DNAJC1: variants seen among roughly 807,000 people sequenced by gnomAD.
DNAJC1 encodes the protein dnaJ homolog subfamily C member 1.
DNAJC1 carries 58 observed loss-of-function variants against 76.6 expected under a neutral mutation model. That is an observed-to-expected ratio of 0.76 (90% confidence interval 0.61 to 0.94). DNAJC1 has a LOEUF of 0.94. Among genes scored for constraint, DNAJC1 ranks in the 40% least tolerant of loss-of-function variants. The pLI is 0.00. For missense variants in DNAJC1, 689 were observed against 677.3 expected, an observed-to-expected ratio of 1.02 and a Z score of -0.19; for synonymous variants, 258 against 267.9, an observed-to-expected ratio of 0.96 and a Z score of 0.36.
intron 7 of DNAJC1, among the ~76,000 whole-genome samples, chr10:21,890,487 G>A (rs534201019): frequency 1.7e-4 from 26 of 151,674 alleles, no homozygotes; most frequent in Non-Finnish European, 2.7e-4. Flanking sequence ...CTGCCCAATG[G>A]TAACAAAGCC....
intron 8 of DNAJC1, among the ~76,000 whole-genome samples, chr10:21,824,265 C>A (rs747881854): frequency 1.3e-5 from 2 of 152,142 alleles, no homozygotes; most frequent in African/African-American, 4.8e-5. Flanking sequence ...GGCTGTCATA[C>A]CCCACACCAA....
At chr10:21,946,629 C>T (rs1357121273) in intron 1 of DNAJC1, among the ~76,000 whole-genome samples, 1 of 152,126 alleles carries the variant, frequency 6.6e-6, no homozygotes, top group Non-Finnish European at 1.5e-5. Context: ...TGAACATACA[C>T]AAACCCAGCA....
chr10:21,813,491 G>GTTCACACCAT (rs1835024366), intron 8 of DNAJC1, among the ~76,000 whole-genome samples: 2 of 151,408 alleles, frequency 1.3e-5, no homozygotes, highest in South Asian at 4.2e-4. Context: ...TGCCTCCCGG[G>GTTCACACCAT]TTCACACCAT....
chr10:21,786,734 G>T (rs1834616262), intron 9 of DNAJC1, among the ~76,000 whole-genome samples: 1 of 152,054 alleles, frequency 6.6e-6, no homozygotes, highest in African/African-American at 2.4e-5. Flanking sequence ...GCCTCCCAAA[G>T]CACTGGGATT....
chr10:22,002,042 G>A (rs894371175), intron 1 of DNAJC1, among the ~76,000 whole-genome samples: 7 of 152,100 alleles, frequency 4.6e-5, no homozygotes, highest in Non-Finnish European at 8.8e-5. Context: ...TTCACTCATG[G>A]TACCCTGGCA....
intron 8 of DNAJC1, among the ~76,000 whole-genome samples, chr10:21,828,194 A>C (rs1835294075): frequency 6.6e-6 from 1 of 152,246 alleles, no homozygotes; most frequent in African/African-American, 2.4e-5. Context: ...TGTATTTATC[A>C]TATGAGATGG....
chr10:21,939,958 A>G (rs1435440868), intron 1 of DNAJC1, among the ~76,000 whole-genome samples: 4 of 151,274 alleles, frequency 2.6e-5, no homozygotes, highest in African/African-American at 9.7e-5. Flanking sequence ...AAAAAAAAAA[A>G]AAAAAGCAGC....
chr10:21,758,997 G>A (rs553295239), intron 11 of DNAJC1, among the ~76,000 whole-genome samples, 173 bp downstream of exon 11: 1 of 152,172 alleles, frequency 6.6e-6, no homozygotes, highest in Non-Finnish European at 1.5e-5. Context: ...CCACCTGAAT[G>A]CACAGATTCA....
intron 1 of DNAJC1, among the ~76,000 whole-genome samples, chr10:21,972,865 G>C (rs1017054113): frequency 6.6e-6 from 1 of 151,948 alleles, no homozygotes; most frequent in African/African-American, 2.4e-5. Flanking sequence ...AATAGAACCA[G>C]AGAACCTAAA....
chr10:21,855,870 T>C (rs184510995), intron 8 of DNAJC1, among the ~76,000 whole-genome samples: 2 of 152,208 alleles, frequency 1.3e-5, no homozygotes, highest in East Asian at 3.9e-4. Flanking sequence ...TCAAGTCATT[T>C]TGCTAGGCAA....
chr10:21,929,563 T>C (rs1021108260), intron 1 of DNAJC1, among the ~76,000 whole-genome samples: 1 of 152,316 alleles, frequency 6.6e-6, no homozygotes. Context: ...GCTAACCATA[T>C]GGTTTCTCTA....
chr10:21,847,198 C>T (rs914836006), intron 8 of DNAJC1, among the ~76,000 whole-genome samples: 8 of 152,108 alleles, frequency 5.3e-5, no homozygotes, highest in Admixed American at 3.3e-4. Context: ...CACTTCCAAA[C>T]TGTGTGCCTC....
chr10:21,952,555 G>A lies in DNAJC1; in HGVS notation c.223-23414C>T, dbSNP rs370385578. ...GGCGATCACCTGGGGTCGGGAGTTC[G>A]TGACTAGCCTAGCCAACATGGTGAA... On this transcript the variant is annotated intron_variant, in intron 1 of 11. Coordinates refer to ENST00000376980, the MANE Select transcript of DNAJC1 (RefSeq NM_022365.4). Among the ~76,000 whole-genome samples, 8 of 152,250 alleles carry A rather than the reference G, an allele frequency of 5.3e-5. No homozygotes were observed. In the East Asian group the frequency reaches 9.6e-4, roughly 18 times the overall value.
At chr10:21,911,952 G>A (rs1236386615) in intron 6 of DNAJC1, among the ~76,000 whole-genome samples, 1 of 152,154 alleles carries the variant, frequency 6.6e-6, no homozygotes, top group African/African-American at 2.4e-5. Flanking sequence ...GGTAGGCTAG[G>A]CTAAGCTATG....
chr10:21,911,702 C>T (rs1488145776), intron 6 of DNAJC1, among the ~76,000 whole-genome samples: 1 of 152,082 alleles, frequency 6.6e-6, no homozygotes, highest in Non-Finnish European at 1.5e-5. Flanking sequence ...TACAGATGTC[C>T]CCAACTTAAT....
intron 8 of DNAJC1, among the ~76,000 whole-genome samples, chr10:21,847,392 G>A (rs1835677660): frequency 6.6e-6 from 1 of 152,068 alleles, no homozygotes; most frequent in African/African-American, 2.4e-5. Context: ...TTAAATCAGG[G>A]TAATTAGGAT....
At chr10:21,904,084 C>T (rs1836703762) in intron 7 of DNAJC1, among the ~76,000 whole-genome samples, 2 of 152,116 alleles carry the variant, frequency 1.3e-5, no homozygotes. Flanking sequence ...CAAAGTTGTT[C>T]ATACTATATA....
At chr10:21,813,797 T>A (rs1399458624) in intron 8 of DNAJC1, among the ~76,000 whole-genome samples, 1 of 152,216 alleles carries the variant, frequency 6.6e-6, no homozygotes, top group Admixed American at 6.5e-5. Context: ...AAGTTCAGGA[T>A]TCCCCATCTG....
At chr10:21,779,588 C>A (rs565069551) in intron 9 of DNAJC1, among the ~76,000 whole-genome samples, 12 of 152,274 alleles carry the variant, frequency 7.9e-5, no homozygotes, top group Non-Finnish European at 1.5e-5. Flanking sequence ...ACCAAAACCC[C>A]ATCTGTACGT....
Sources: gnomAD v4.1 joint callset for allele counts (sites outside exome capture counted in the v4.1 genomes callset) on GRCh38, gnomAD v4.1.1 for gene constraint, MANE v1.5 for transcripts, NCBI Gene and HGNC (gene_info 2026-07-23, HGNC 2026-07-21) for gene names.